NDUFAF7: variants seen among roughly 807,000 people sequenced by gnomAD.
NDUFAF7 encodes NADH:ubiquinone oxidoreductase complex assembly factor 7.
A neutral mutation model predicts 47.2 loss-of-function variants in NDUFAF7; 48 were observed. The ratio of observed to expected loss-of-function variants is 1.02; its 90% confidence interval spans 0.81 to 1.29. The LOEUF (loss-of-function observed/expected upper bound fraction) is 1.29. Ranked by LOEUF, NDUFAF7 falls within the 50% of genes most tolerant of loss-of-function variation. The pLI is 0.00. For synonymous variants in NDUFAF7, 217 were observed against 190.0 expected, an observed-to-expected ratio of 1.14 and a Z score of -1.17; for missense variants, 635 against 537.6, an observed-to-expected ratio of 1.18 and a Z score of -1.79.
the NDUFAF7 span, among the ~76,000 whole-genome samples, chr2:37,263,168 G>A: frequency 6.6e-5 from 10 of 151,988 alleles, no homozygotes; most frequent in Admixed American, 1.3e-4. Flanking sequence ...AATATTTGAG[G>A]TTATAAAGCT....
rs867585776 is a variant in NDUFAF7 at position 37,237,808 on chromosome 2, G to C, written c.349G>C (p.Ala117Pro). The change falls in exon 4 of 10, where the codon GCT becomes CCT. Residue 117 changes from alanine (A) to proline (P), a missense_variant. Transcript: ENST00000002125. ...ATGGATGGCCACTGGAAAAAGCACA[G>C]CTTTCCAGCTGGTGGAACTGGGCCC... is the stretch of plus-strand genomic sequence containing the variant. ...SEWMATGKSTAFQLVELGPGR... is the reference protein window; with the variant it reads ...SEWMATGKSTPFQLVELGPGR... The C allele has an allele frequency of 4.3e-6, 7 of 1,613,870 alleles. No homozygotes were observed. The highest frequency in any genetic ancestry group is 5.1e-6 in the Non-Finnish European group (6 of 1,179,876).
At chr2:37,264,552 G>T in the NDUFAF7 span, among the ~76,000 whole-genome samples, 2 of 152,026 alleles carry the variant, frequency 1.3e-5, no homozygotes, top group Admixed American at 6.6e-5. Context: ...ATGCTGAATA[G>T]AATGTGGAGG....
downstream of NDUFAF7, chr2:37,249,292 T>C (rs1204896366): frequency 6.6e-6 from 1 of 152,192 alleles, no homozygotes; most frequent in Non-Finnish European, 1.5e-5. Flanking sequence ...TTTCTTACAT[T>C]GTGCATCTGT....
chr2:37,256,551 G>T, downstream of NDUFAF7: 1 of 1,296,720 alleles, frequency 7.7e-7, no homozygotes, highest in Non-Finnish European at 1.0e-6. Context: ...AATGGGAGAT[G>T]TACTAAAAAG....
In NDUFAF7 at chr2:37,242,273, T is replaced by C. The variant is rs1377621752; in HGVS notation, c.623-362T>C. 6.7e-5 allele frequency: 18 copies of C among 267,970 alleles called. No homozygotes were observed. The Admixed American group carries it at 9.2e-4, about 14-fold the overall frequency. The allele number at this position is 267,970 out of a possible 1,614,324, so 16.6% of individuals were successfully genotyped here. ...ACTCAAAGCCAAAGTGGGGGTACGATCTTGGGTAAGGGATCTCAAGCCATT... is the reference window on the plus strand; with the variant it reads ...ACTCAAAGCCAAAGTGGGGGTACGACCTTGGGTAAGGGATCTCAAGCCATT... On this transcript the variant is annotated intron_variant, in intron 5 of 9. Transcript: ENST00000002125.
At chr2:37,254,587 C>G (rs1246376629), downstream of NDUFAF7, among the ~76,000 whole-genome samples, 1 of 152,184 alleles carries the variant, frequency 6.6e-6, no homozygotes, top group African/African-American at 2.4e-5. Flanking sequence ...CTGTGTGATA[C>G]TGGGTCAGTT....
downstream of NDUFAF7, chr2:37,251,539 A>G (rs924881693): frequency 7.9e-5 from 12 of 152,604 alleles, no homozygotes; most frequent in Admixed American, 3.9e-4. Flanking sequence ...TCTTTCAAGG[A>G]TATTTTTAGT....
chr2:37,241,927 C>CT (rs574031557), intron 5 of NDUFAF7, 136 bp downstream of exon 5: 387 of 713,606 alleles, frequency 5.4e-4, no homozygotes, highest in Middle Eastern at 1.2e-3. Context: ...GAGTAGCCTA[C>CT]TTTTTTCTAG....
intron 4 of NDUFAF7, among the ~76,000 whole-genome samples, chr2:37,239,130 T>C (rs1192850455): frequency 6.7e-6 from 1 of 150,258 alleles, no homozygotes; most frequent in Non-Finnish European, 1.5e-5. Context: ...TTTTTTTTTT[T>C]TTTTTTGAGA....
chr2:37,247,022 A>ATAGATTTTCAGCCCTTGTTCCCCTCCTCC lies in NDUFAF7; in HGVS notation c.937-432_937-404dup, dbSNP rs1667000469. ...AGGTGGCAAGCATAGTACTCAGTAGATAGATTTTCAGCCCTTGTTCCCCTC... is the reference window on the plus strand; with the variant it reads ...AGGTGGCAAGCATAGTACTCAGTAGATAGATTTTCAGCCCTTGTTCCCCTCCTCCTAGATTTTCAGCCCTTGTTCCCCTC... On this transcript the variant is annotated intron_variant, in intron 8 of 9. Coordinates refer to ENST00000002125, the MANE Select transcript of NDUFAF7 (RefSeq NM_144736.5). Among the ~76,000 whole-genome samples, 8 of 152,194 alleles carry ATAGATTTTCAGCCCTTGTTCCCCTCCTCC rather than the reference A, an allele frequency of 5.3e-5. No individual in the cohort carries two copies. The South Asian group carries it at 1.7e-3, about 32-fold the overall frequency.
At chr2:37,255,044 A>G (rs1446830376), downstream of NDUFAF7, among the ~76,000 whole-genome samples, 2 of 152,244 alleles carry the variant, frequency 1.3e-5, no homozygotes, top group East Asian at 3.8e-4. Flanking sequence ...AACCAAATGG[A>G]AAGACTTGTA....
the NDUFAF7 span, among the ~76,000 whole-genome samples, chr2:37,264,746 GA>G: frequency 6.8e-3 from 1,022 of 149,876 alleles, 10 homozygotes; most frequent in Middle Eastern, 0.021. Flanking sequence ...TTTTGGGGGG[GA>G]AAAAAAAAGA....
At chr2:37,267,431 T>C in the NDUFAF7 span, 1 of 1,573,826 alleles carries the variant, frequency 6.4e-7, no homozygotes, top group Non-Finnish European at 8.7e-7. Context: ...TATTTTTACC[T>C]GTAAAATAGC....
intron 2 of NDUFAF7, among the ~76,000 whole-genome samples, chr2:37,232,777 A>C (rs1665307795): frequency 6.6e-6 from 1 of 152,238 alleles, no homozygotes; most frequent in African/African-American, 2.4e-5. Flanking sequence ...TTGAGAATGC[A>C]GTCTGGGTCG....
intron 2 of NDUFAF7, among the ~76,000 whole-genome samples, chr2:37,232,790 T>C (rs979997814): frequency 6.6e-6 from 1 of 152,218 alleles, no homozygotes; most frequent in Non-Finnish European, 1.5e-5. Flanking sequence ...CTGGGTCGTC[T>C]TCACTGTTCT....
At chr2:37,265,737 A>G in the NDUFAF7 span, among the ~76,000 whole-genome samples, 3 of 152,358 alleles carry the variant, frequency 2.0e-5, no homozygotes, top group African/African-American at 7.2e-5. Flanking sequence ...TATTAAATTT[A>G]GTATGAAAAT....
At chr2:37,237,145 T>C (rs1175907845) in intron 3 of NDUFAF7, among the ~76,000 whole-genome samples, 3 of 152,104 alleles carry the variant, frequency 2.0e-5, no homozygotes. Flanking sequence ...TAATTTTGTA[T>C]TTTTAGTAGA....
rs1258863309 is a variant in NDUFAF7, at chr2:37,247,592, C to G, written c.1073C>G (p.Thr358Arg). 1.2e-6 allele frequency: 2 copies of G among 1,613,990 alleles called. No individual in the cohort carries two copies. The highest frequency in any genetic ancestry group is 3.3e-5 in the Admixed American group (2 of 60,006). The change falls in exon 9 of 10, where the codon ACA becomes AGA. Residue 358 changes from threonine to arginine, a missense_variant. By Grantham distance (71) the Thr-to-Arg change is moderately conservative (BLOSUM62 -1). Transcript: ENST00000002125. ...VASLGPIKQH[T>R]FLKNMGIDVR... ...TCTCTGGGCCCAATAAAACAACACACATTTTTAAAAAATATGGGTATTGAT... is the reference window on the plus strand; with the variant it reads ...TCTCTGGGCCCAATAAAACAACACAGATTTTTAAAAAATATGGGTATTGAT...
rs753854551 is a variant in NDUFAF7, at chr2:37,247,502, C to T, written c.983C>T (p.Thr328Ile). 3.7e-6 allele frequency: 6 copies of T among 1,613,934 alleles called. No homozygotes were observed. Among genetic ancestry groups the T allele is most frequent in the Non-Finnish European group, 5.1e-6 (6 of 1,179,974 alleles). ...KLHDVLIAPG[T>I]ADLTADVDFS... ...CATGATGTCTTAATTGCCCCAGGAA[C>T]AGCAGATCTAACAGCTGATGTGGAC... The change falls in exon 9 of 10, where the codon ACA (threonine) becomes ATA (isoleucine). Residue 328 changes from threonine to isoleucine, a missense_variant. Coordinates refer to ENST00000002125, the MANE Select transcript of NDUFAF7 (RefSeq NM_144736.5).
Sources: gnomAD v4.1 joint callset for allele counts (sites outside exome capture counted in the v4.1 genomes callset) on GRCh38, gnomAD v4.1.1 for gene constraint, MANE v1.5 for transcripts, NCBI Gene and HGNC (gene_info 2026-07-23, HGNC 2026-07-21) for gene names.